Variants in C2orf72 observed in about 807,000 individuals in gnomAD.
C2orf72 encodes the protein uncharacterized protein C2orf72.
In C2orf72, 16 loss-of-function variants were observed where a neutral mutation model predicts 14.4. The observed-to-expected ratio is 1.11, with a 90% CI of 0.75 to 1.69. The LOEUF (loss-of-function observed/expected upper bound fraction) is 1.69. C2orf72 is among the 40% of genes most tolerant of loss of function. C2orf72 has a pLI of 0.00. For missense variants in C2orf72, 371 were observed against 358.3 expected (o/e 1.04, Z -0.29); for synonymous variants, 168 against 176.8 (o/e 0.95, Z 0.40).
intron 2 of C2orf72, among the ~76,000 whole-genome samples, 173 bp from the exon 3 acceptor site, chr2:231,046,709 A>G (rs1045755159): frequency 6.6e-6 from 1 of 152,214 alleles, no homozygotes; most frequent in Non-Finnish European, 1.5e-5. Flanking sequence ...ATAAAATCCT[A>G]GAAGTGAAAT....
At chr2:231,040,066 A>G (rs1415705223) in intron 1 of C2orf72, among the ~76,000 whole-genome samples, 3 of 151,990 alleles carry the variant, frequency 2.0e-5, no homozygotes, top group Admixed American at 6.6e-5. Flanking sequence ...TTGTAGACAC[A>G]TTGCTGTTGC....
intron 2 of C2orf72, among the ~76,000 whole-genome samples, chr2:231,045,402 G>A (rs1037002876): frequency 6.6e-6 from 1 of 151,818 alleles, no homozygotes; most frequent in African/African-American, 2.4e-5. Context: ...AGCGAGTTAG[G>A]TTGTTTCCAC....
rs34513584 is a variant in C2orf72 at position 231,046,291 on chromosome 2, A to AGTGTGTGTGT, written c.749-552_749-543dup. Among the ~76,000 whole-genome samples, 49 of 136,278 alleles carry AGTGTGTGTGT rather than the reference A, an allele frequency of 3.6e-4. 1 individual carries two copies. Among genetic ancestry groups the AGTGTGTGTGT allele is most frequent in the South Asian group, 7.7e-4 (3 of 3,900 alleles). 89.4% of individuals were successfully genotyped at this position (136,278 alleles called of 152,430 possible). ...GATTTCCCCAATTTTACTTCTATGC[A>AGTGTGTGTGT]GTGTGTGTGTGTGTGTGTGTGTGTG... is the stretch of plus-strand genomic sequence containing the variant. On this transcript the variant is annotated intron_variant, in intron 2 of 2. Coordinates refer to ENST00000373640, the MANE Select transcript of C2orf72 (RefSeq NM_001144994.2).
Position 231,046,904 on chromosome 2 carries a change from G to C in C2orf72, c.771G>C (p.Glu257Asp). Reference sequence around the variant, plus strand: ...CAGAAGACTTCCAGGAACCTGAGGAGGAGCTGCCACTAACAGCCATATTTC... The same window carrying C: ...CAGAAGACTTCCAGGAACCTGAGGACGAGCTGCCACTAACAGCCATATTTC... ...SAQEDFQEPE[E>D]ELPLTAIFPN... Residue 257 changes from glutamate (E) to aspartate (D), a missense_variant, in exon 3 of 3, where the codon GAG (glutamate) becomes GAC (aspartate). Glu to Asp is a conservative substitution (Grantham distance 45). Coordinates refer to ENST00000373640, the MANE Select transcript of C2orf72 (RefSeq NM_001144994.2). 6.4e-7 allele frequency: 1 copy of C among 1,551,402 alleles called. No homozygotes were observed. The highest frequency in any genetic ancestry group is 8.7e-7 in the Non-Finnish European group (1 of 1,146,804).
chr2:231,047,163 G>T lies in C2orf72; in HGVS notation c.*142G>T. 3 of 1,030,562 alleles carry T rather than the reference G, an allele frequency of 2.9e-6. No individual in the cohort carries two copies. Among genetic ancestry groups the T allele is most frequent in the South Asian group, 2.7e-5 (2 of 73,174 alleles). 63.8% of individuals were successfully genotyped at this position (1,030,562 alleles called of 1,614,324 possible). On this transcript the variant is annotated 3_prime_UTR_variant, in exon 3 of 3. Coordinates refer to ENST00000373640, the MANE Select transcript of C2orf72 (RefSeq NM_001144994.2). ...CACACTCACAGTTACCAGCTAGACAGTGGGGCTTACTAAGACAAGCAGGAC... is the reference window on the plus strand; with the variant it reads ...CACACTCACAGTTACCAGCTAGACATTGGGGCTTACTAAGACAAGCAGGAC...
At chr2:231,045,125 G>A (rs545105371) in intron 2 of C2orf72, among the ~76,000 whole-genome samples, 44 of 151,882 alleles carry the variant, frequency 2.9e-4, no homozygotes, top group Non-Finnish European at 5.4e-4. Flanking sequence ...TAGCCAGGGC[G>A]TGGTGGCACA....
intron 1 of C2orf72, among the ~76,000 whole-genome samples, chr2:231,038,624 G>A (rs2125135695): frequency 6.6e-6 from 1 of 152,238 alleles, no homozygotes; most frequent in African/African-American, 2.4e-5. Flanking sequence ...GGTGCCAGAA[G>A]CTAAATTCTA....
At chr2:231,041,897 A>G (rs773232424) in intron 2 of C2orf72, among the ~76,000 whole-genome samples, 12 of 152,146 alleles carry the variant, frequency 7.9e-5, no homozygotes, top group Non-Finnish European at 1.6e-4. Context: ...GAGGTGCAGA[A>G]GGAAACCAGT....
rs1179671799 is a variant in C2orf72, at chr2:231,041,459, A to G, written c.748+50A>G. ...TCCTGAGGGCCAGGTGCATGGAATTATGGGAGTGGTCACGTGAACTTGGGG... is the reference window on the plus strand; with the variant it reads ...TCCTGAGGGCCAGGTGCATGGAATTGTGGGAGTGGTCACGTGAACTTGGGG... On this transcript the variant is annotated intron_variant, in intron 2 of 2. Coordinates refer to ENST00000373640, the MANE Select transcript of C2orf72 (RefSeq NM_001144994.2). 23 of 1,398,100 alleles carry G rather than the reference A, an allele frequency of 1.6e-5. 1 individual carries two copies. In the Middle Eastern group the frequency reaches 8.9e-4, roughly 54 times the overall value. The allele number at this position is 1,398,100 out of a possible 1,614,324, so 86.6% of individuals were successfully genotyped here. A position where few individuals can be genotyped will look rare whatever the true frequency, so the allele number is the denominator to read the frequency against.
At position 231,049,166 on chromosome 2, in the gene C2orf72, G is replaced by A. The variant is rs991413738; in HGVS notation, c.*2145G>A. Reference sequence around the variant, plus strand: ...CCATCCCCCACTGCACTTCACTCATGTAAGACGTCTGCCCGGTGCTGGTCC... The same window carrying A: ...CCATCCCCCACTGCACTTCACTCATATAAGACGTCTGCCCGGTGCTGGTCC... On this transcript the variant is annotated 3_prime_UTR_variant, in exon 3 of 3. Coordinates refer to ENST00000373640, the MANE Select transcript of C2orf72 (RefSeq NM_001144994.2). 5.3e-5 allele frequency: 8 copies of A among 150,888 alleles called. No individual in the cohort carries two copies. The highest frequency in any genetic ancestry group is 1.0e-4 in the Non-Finnish European group (7 of 67,714). The allele number at this position is 150,888 out of a possible 1,614,324, so 9.3% of individuals were successfully genotyped here.
At chr2:231,039,846 A>T (rs1559208855) in intron 1 of C2orf72, among the ~76,000 whole-genome samples, 1 of 151,692 alleles carries the variant, frequency 6.6e-6, no homozygotes, top group East Asian at 1.9e-4. Flanking sequence ...AGTCTCAAGC[A>T]ATTCTTCTGC....
At chr2:231,040,172 T>G (rs1693321039) in intron 1 of C2orf72, among the ~76,000 whole-genome samples, 1 of 152,178 alleles carries the variant, frequency 6.6e-6, no homozygotes, top group Non-Finnish European at 1.5e-5. Context: ...AAGCCTCCCT[T>G]GACCTTCCCT....
intron 1 of C2orf72, among the ~76,000 whole-genome samples, chr2:231,040,204 G>A (rs1393658327): frequency 1.3e-5 from 2 of 152,096 alleles, no homozygotes; most frequent in Admixed American, 6.6e-5. Flanking sequence ...CAAGTTCACT[G>A]GCGAAATCCC....
intron 1 of C2orf72, among the ~76,000 whole-genome samples, chr2:231,038,969 T>G (rs1258727258): frequency 2.0e-5 from 3 of 151,984 alleles, no homozygotes; most frequent in African/African-American, 7.3e-5. Flanking sequence ...AGCAGAAGGG[T>G]CAGGATCTCC....
In C2orf72 at chr2:231,046,992, C is replaced by T. The variant is rs1279932042; in HGVS notation, c.859C>T (p.Pro287Ser). The T allele has an allele frequency of 6.4e-7, 1 of 1,551,694 alleles. No homozygotes were observed. Among genetic ancestry groups the T allele is most frequent in the Admixed American group, 2.0e-5 (1 of 51,002 alleles). Residue 287 changes from proline to serine, a missense_variant, in exon 3 of 3, where the codon CCT becomes TCT. Physicochemically the swap from Pro to Ser is moderately conservative, Grantham distance 74. Transcript: ENST00000373640. The part of the protein sequence containing the change: ...SKACDGVVHT[P>S]AEPTGDSR Reference sequence around the variant, plus strand: ...AGCCTGTGATGGAGTCGTACACACTCCTGCTGAGCCCACCGGAGACTCAAG... The same window carrying T: ...AGCCTGTGATGGAGTCGTACACACTTCTGCTGAGCCCACCGGAGACTCAAG...
intron 1 of C2orf72, among the ~76,000 whole-genome samples, chr2:231,040,770 C>G (rs917891846): frequency 1.3e-5 from 2 of 152,160 alleles, no homozygotes; most frequent in African/African-American, 4.8e-5. Context: ...GTCTCTTTAC[C>G]TTTGGGTGCG....
chr2:231,038,316 C>A, intron 1 of C2orf72, 117 bp downstream of exon 1: 1 of 836,460 alleles, frequency 1.2e-6, no homozygotes, highest in Non-Finnish European at 1.5e-6. Context: ...AGGCTCAGAG[C>A]AGGGAGGTGC....
intron 2 of C2orf72, 35 bp downstream of exon 2, chr2:231,041,444 C>T: frequency 6.8e-7 from 1 of 1,466,324 alleles, no homozygotes; most frequent in African/African-American, 1.4e-5. Context: ...TCCTGAGGGC[C>T]AGGTGCATGG....
Position 231,047,129 on chromosome 2 carries a change from G to A in C2orf72, c.*108G>A. On this transcript the variant is annotated 3_prime_UTR_variant, in exon 3 of 3. Transcript: ENST00000373640. Reference sequence around the variant, plus strand: ...AGACTGCAGAAACCCCCGCCTGCTGGAGGCCTGCCACACTCACAGTTACCA... The same window carrying A: ...AGACTGCAGAAACCCCCGCCTGCTGAAGGCCTGCCACACTCACAGTTACCA... The A allele has an allele frequency of 7.4e-7, 1 of 1,351,510 alleles. No homozygotes were observed. Among genetic ancestry groups the A allele is most frequent in the Non-Finnish European group, 1.0e-6 (1 of 969,278 alleles). The allele number at this position is 1,351,510 out of a possible 1,614,324, so 83.7% of individuals were successfully genotyped here.
Sources: gnomAD v4.1 joint callset for allele counts (sites outside exome capture counted in the v4.1 genomes callset) on GRCh38, gnomAD v4.1.1 for gene constraint, MANE v1.5 for transcripts, NCBI Gene and HGNC (gene_info 2026-07-23, HGNC 2026-07-21) for gene names.